Variants in CPT1C observed in about 807,000 individuals in gnomAD.
CPT1C encodes the protein palmitoyl thioesterase CPT1C.
In CPT1C, 61 loss-of-function variants were observed where a neutral mutation model predicts 97.3. That is an observed-to-expected ratio of 0.63 (90% CI 0.51 to 0.78). CPT1C has a LOEUF of 0.78. Among genes scored for constraint, CPT1C ranks in the 30% least tolerant of loss-of-function variants. The pLI is 0.00. For missense variants in CPT1C, 975 were observed against 1,065.5 expected, an observed-to-expected ratio of 0.92 and a Z score of 1.18; for synonymous variants, 469 against 447.2, an observed-to-expected ratio of 1.05 and a Z score of -0.61.
chr19:49,706,554 AC>A lies in CPT1C; in HGVS notation c.1343+145del. The A allele has an allele frequency of 1.4e-6, 1 of 703,632 alleles. No individual in the cohort carries two copies. Among genetic ancestry groups the A allele is most frequent in the Non-Finnish European group, 2.0e-6 (1 of 494,004 alleles). The allele number at this position is 703,632 out of a possible 1,614,324, so 43.6% of individuals were successfully genotyped here. A position where few individuals can be genotyped will look rare whatever the true frequency, so the allele number is the denominator to read the frequency against. ...GACCAGGGGCTGCATAGAGCTGAGG[AC>A]CCCAGACCCAGTGCTTTGGGACCTG... On this transcript the variant is annotated intron_variant, in intron 12 of 19. Transcript: ENST00000598293. The surrounding 1 kb of genome is among the most constrained non-coding windows in gnomAD (Gnocchi z 4.8).
chr19:49,705,808 C>A, intron 10 of CPT1C, 101 bp from the exon 11 acceptor site: 1 of 1,109,780 alleles, frequency 9.0e-7, no homozygotes, highest in Non-Finnish European at 1.3e-6. Context: ...TACTAGGGTA[C>A]TTTGAACAAC....
chr19:49,711,582 ACT>A, intron 16 of CPT1C: 1 of 567,688 alleles, frequency 1.8e-6, no homozygotes, highest in Non-Finnish European at 3.1e-6. Context: ...AGGAGTTTGG[ACT>A]CTGGGGCCAG....
intron 19 of CPT1C, 155 bp from the exon 20 acceptor site, chr19:49,713,265 C>A: frequency 1.3e-6 from 1 of 778,568 alleles, no homozygotes; most frequent in Non-Finnish European, 2.0e-6. Flanking sequence ...ACCCGGGAGT[C>A]CAGGCCCCCA....
At chr19:49,698,692 C>T (rs770667792) in intron 4 of CPT1C, among the ~76,000 whole-genome samples, 20 of 151,864 alleles carry the variant, frequency 1.3e-4, no homozygotes, top group Middle Eastern at 6.8e-3. Context: ...GAGCTTTGCC[C>T]GTCTCTAGTC....
chr19:49,705,767 A>C, intron 10 of CPT1C, 142 bp from the exon 11 acceptor site: 1 of 749,914 alleles, frequency 1.3e-6, no homozygotes, highest in Admixed American at 2.7e-5. Flanking sequence ...TCCAAATACT[A>C]AGTAAATAAA....
rs766803683 is a variant in CPT1C at position 49,692,247 on chromosome 19, C to T, written c.-6C>T. Reference sequence around the variant, plus strand: ...GACTCTGCCCGACTCAGGGCTCCAGCGTGACATGGCTGAAGCGCACCAGGC... The same window carrying T: ...GACTCTGCCCGACTCAGGGCTCCAGTGTGACATGGCTGAAGCGCACCAGGC... On this transcript the variant is annotated 5_prime_UTR_variant, in exon 3 of 20. Coordinates refer to ENST00000598293, the MANE Select transcript of CPT1C (RefSeq NM_001199753.2). 2.5e-6 allele frequency: 4 copies of T among 1,613,276 alleles called. No homozygotes were observed. Among genetic ancestry groups the T allele is most frequent in the Admixed American group, 3.3e-5 (2 of 59,988 alleles).
At chr19:49,705,420 C>G in intron 10 of CPT1C, 122 bp downstream of exon 10, 1 of 782,910 alleles carries the variant, frequency 1.3e-6, no homozygotes, top group Non-Finnish European at 2.1e-6. Flanking sequence ...ACCTTCTGCA[C>G]GTTATTACCC....
At chr19:49,699,890 G>A (rs1389568472) in intron 4 of CPT1C, among the ~76,000 whole-genome samples, 1 of 151,418 alleles carries the variant, frequency 6.6e-6, no homozygotes, top group Non-Finnish European at 1.5e-5. Flanking sequence ...GGAGATGGAG[G>A]TTGCAGTGAG....
chr19:49,693,404 C>G (rs2082463304), intron 3 of CPT1C, among the ~76,000 whole-genome samples: 1 of 152,162 alleles, frequency 6.6e-6, no homozygotes. Context: ...CTTGGGCAAG[C>G]ACCTCTCTTG....
intron 19 of CPT1C, 163 bp from the exon 20 acceptor site, chr19:49,713,257 C>G: frequency 1.3e-6 from 1 of 752,204 alleles, no homozygotes; most frequent in Non-Finnish European, 2.1e-6. Context: ...TCCCTCAGAC[C>G]CGGGAGTCCA....
At chr19:49,701,162 G>GGGTCTCTGTCCCCC (rs2083026964) in intron 5 of CPT1C, among the ~76,000 whole-genome samples, 155 bp from the exon 6 acceptor site, 1 of 97,996 alleles carries the variant, frequency 1.0e-5, no homozygotes, top group Admixed American at 1.2e-4. Flanking sequence ...TCTGTCCCCT[G>GGGTCTCTGTCCCCC]TCTCTGGGTC....
At chr19:49,694,079 TAAAATAAA>T (rs1386711021) in intron 3 of CPT1C, among the ~76,000 whole-genome samples, 3 of 144,384 alleles carry the variant, frequency 2.1e-5, no homozygotes, top group Non-Finnish European at 4.5e-5. Context: ...AAAAATAAAA[TAAAATAAA>T]AAATAAATAA....
intron 5 of CPT1C, 23 bp from the exon 6 acceptor site, chr19:49,701,294 A>T: frequency 1.3e-6 from 2 of 1,597,596 alleles, no homozygotes; most frequent in Non-Finnish European, 1.7e-6. Context: ...GGGGTTAATG[A>T]CCCGGTAACT....
At chr19:49,690,987 A>C (rs2082322712), upstream of CPT1C, 1 of 153,062 alleles carries the variant, frequency 6.5e-6, no homozygotes, top group African/African-American at 2.4e-5. This position sits in a 1 kb window ranked among gnomAD's most constrained non-coding sequence, Gnocchi z 4.4. Context: ...AATGGTGGAG[A>C]ATCTGGCCGG....
At position 49,704,887 on chromosome 19, in the gene CPT1C, C is replaced by T. The variant is rs1045811159; in HGVS notation, c.771+100C>T. 1.4e-4 allele frequency: 203 copies of T among 1,413,968 alleles called. 1 individual carries two copies. Among genetic ancestry groups the T allele is most frequent in the Non-Finnish European group, 1.2e-4 (124 of 1,001,232 alleles). 87.6% of individuals were successfully genotyped at this position (1,413,968 alleles called of 1,614,324 possible). A position where few individuals can be genotyped will look rare whatever the true frequency, so the allele number is the denominator to read the frequency against. On this transcript the variant is annotated intron_variant, in intron 8 of 19. Transcript: ENST00000598293. ...ATGCTCAGTGACCTGGATCTAGACGCGCCATCTGGGATTCATCATTCCACC... is the reference window on the plus strand; with the variant it reads ...ATGCTCAGTGACCTGGATCTAGACGTGCCATCTGGGATTCATCATTCCACC...
intron 7 of CPT1C, among the ~76,000 whole-genome samples, chr19:49,702,035 A>AAATAAATATG (rs1568521206): frequency 3.0e-5 from 3 of 98,944 alleles, no homozygotes; most frequent in East Asian, 4.6e-4. Flanking sequence ...TTATAAATAT[A>AAATAAATATG]TATTTATTTA....
At chr19:49,695,095 C>G (rs1022833912) in intron 3 of CPT1C, among the ~76,000 whole-genome samples, 1 of 150,578 alleles carries the variant, frequency 6.6e-6, no homozygotes, top group South Asian at 2.1e-4. Context: ...GAGCCGAGAT[C>G]GTGCCACTGC....
intron 1 of CPT1C, chr19:49,691,608 A>G (rs937827626): frequency 6.6e-6 from 1 of 152,174 alleles, no homozygotes; most frequent in East Asian, 1.9e-4. Context: ...GACAGCGTCA[A>G]TGTCTAACAG....
intron 3 of CPT1C, among the ~76,000 whole-genome samples, chr19:49,693,579 C>G (rs191831750): frequency 6.6e-6 from 1 of 152,130 alleles, no homozygotes; most frequent in African/African-American, 2.4e-5. Flanking sequence ...TATGGGGCAT[C>G]CGGTAAGGGC....
Sources: allele counts gnomAD v4.1 joint callset (sites outside exome capture counted in the v4.1 genomes callset), GRCh38; gene constraint gnomAD v4.1.1; non-coding constraint Gnocchi (gnomAD v3.1); transcripts MANE v1.5; gene names NCBI Gene and HGNC (gene_info 2026-07-23, HGNC 2026-07-21).